EXTL3: variants seen among roughly 807,000 people sequenced by gnomAD.
EXTL3 encodes the protein exostosin-like 3.
EXTL3 carries 27 observed loss-of-function variants against 69.3 expected under a neutral mutation model. The ratio of observed to expected loss-of-function variants is 0.39; its 90% CI spans 0.29 to 0.54. EXTL3 has a LOEUF of 0.54. Among genes scored for constraint, EXTL3 ranks in the 20% least tolerant of loss-of-function variants. EXTL3 has a pLI of 0.69. For synonymous variants in EXTL3, 511 were observed against 499.4 expected (o/e 1.02, Z -0.31); for missense variants, 1,003 against 1,231.8 (o/e 0.81, Z 2.78).
Position 28,751,196 on chromosome 8 carries a change from A to G in EXTL3, c.*330A>G. On this transcript the variant is annotated 3_prime_UTR_variant, in exon 7 of 7. Transcript: ENST00000220562. ...GTGGTTTTTACATTCAATAACAACT[A>G]TTATGATTATTTAAAAAGAGAAAGT... 3.1e-6 allele frequency: 1 copy of G among 326,214 alleles called. No individual in the cohort carries two copies. The highest frequency in any genetic ancestry group is 5.8e-6 in the Non-Finnish European group (1 of 173,154). 20.2% of individuals were successfully genotyped at this position (326,214 alleles called of 1,614,324 possible).
At chr8:28,680,694 A>G (rs1807471166) in intron 1 of EXTL3, among the ~76,000 whole-genome samples, 1 of 152,106 alleles carries the variant, frequency 6.6e-6, no homozygotes, top group African/African-American at 2.4e-5. Context: ...GCAACTTGGT[A>G]CCCTTTGACT....
upstream of EXTL3, among the ~76,000 whole-genome samples, chr8:28,622,343 C>G (rs1278771560): frequency 2.0e-5 from 3 of 152,248 alleles, no homozygotes. Context: ...GCCGTATAGC[C>G]CTCCGCCGTG....
upstream of EXTL3, among the ~76,000 whole-genome samples, chr8:28,621,805 G>C (rs1563426892): frequency 6.6e-6 from 1 of 152,164 alleles, no homozygotes; most frequent in Non-Finnish European, 1.5e-5. Flanking sequence ...TCTGTTTGTG[G>C]ACACGCAGAT....
intron 3 of EXTL3, among the ~76,000 whole-genome samples, chr8:28,726,494 T>C (rs1449376507): frequency 6.6e-6 from 1 of 152,172 alleles, no homozygotes; most frequent in East Asian, 1.9e-4. Context: ...GAACTATAGT[T>C]AGTCTTCCAA....
At chr8:28,701,186 G>A (rs2130697492), upstream of EXTL3, 1 of 152,346 alleles carries the variant, frequency 6.6e-6, no homozygotes, top group Admixed American at 6.5e-5. Flanking sequence ...CGGTGGCTCG[G>A]GAGTCAGACC....
At chr8:28,742,784 A>T in intron 5 of EXTL3, 1 of 364,356 alleles carries the variant, frequency 2.7e-6, no homozygotes, top group Non-Finnish European at 5.2e-6. Context: ...CAATTGAACC[A>T]GCATCTGACC....
At chr8:28,695,264 G>A (rs1800669138) in intron 1 of EXTL3, among the ~76,000 whole-genome samples, 1 of 151,816 alleles carries the variant, frequency 6.6e-6, no homozygotes, top group Admixed American at 6.6e-5. Context: ...GAGTAGCTGG[G>A]ATTACAGGCA....
At chr8:28,651,264 A>T (rs1343387748) in intron 1 of EXTL3, among the ~76,000 whole-genome samples, 1 of 152,172 alleles carries the variant, frequency 6.6e-6, no homozygotes, top group Non-Finnish European at 1.5e-5. Flanking sequence ...CATCTAGCCC[A>T]CCATGCTGCT....
At chr8:28,709,736 T>G (rs1800995578) in intron 1 of EXTL3, among the ~76,000 whole-genome samples, 1 of 152,180 alleles carries the variant, frequency 6.6e-6, no homozygotes, top group African/African-American at 2.4e-5. Flanking sequence ...ATCAACAAAC[T>G]CTTGAAAGCA....
chr8:28,612,675 CAT>C (rs1806286807), intron 2 of EXTL3, among the ~76,000 whole-genome samples: 1 of 151,988 alleles, frequency 6.6e-6, no homozygotes, highest in African/African-American at 2.4e-5. Flanking sequence ...TTGCTGTGAT[CAT>C]ATGAGTTTCC....
In EXTL3 at chr8:28,623,040, C is replaced by G. The variant is rs555336443; in HGVS notation, c.-53+230C>G. 3.2e-4 allele frequency among the ~76,000 whole-genome samples: 49 copies of G among 152,188 alleles called. No homozygotes were observed. The highest frequency in any genetic ancestry group is 1.1e-3 in the African/African-American group (44 of 41,552). On this transcript the variant is annotated intron_variant, in intron 1 of 6. Coordinates refer to the EXTL3 transcript ENST00000523149. The surrounding 1 kb of genome is among the most constrained non-coding windows in gnomAD (Gnocchi z 4.2). ...GGCGTCTGGGGCGGGCGATTGCAAG[C>G]TCGCGGTCCATGTCCCCTGCCTCGG...
chr8:28,701,870 A>G (rs1800807586), intron 1 of EXTL3, among the ~76,000 whole-genome samples: 1 of 151,826 alleles, frequency 6.6e-6, no homozygotes, highest in Non-Finnish European at 1.5e-5. Context: ...GCCCGGGGAG[A>G]GGCCGCCAGG....
At chr8:28,710,648 T>G (rs1226795965) in intron 1 of EXTL3, 1 of 353,652 alleles carries the variant, frequency 2.8e-6, no homozygotes, top group Non-Finnish European at 5.4e-6. Flanking sequence ...GGTCTTGCTC[T>G]GTCACCCAGG....
intron 3 of EXTL3, among the ~76,000 whole-genome samples, chr8:28,727,707 A>G (rs895036380): frequency 3.3e-5 from 5 of 152,160 alleles, no homozygotes; most frequent in African/African-American, 1.2e-4. Context: ...TTTGAACCCA[A>G]GCTTTTCTGA....
At chr8:28,632,595 C>A (rs1311138713) in intron 1 of EXTL3, among the ~76,000 whole-genome samples, 3 of 147,794 alleles carry the variant, frequency 2.0e-5, no homozygotes, top group African/African-American at 7.5e-5. Context: ...GCTGTGTTGC[C>A]CAGGCTAGAG....
chr8:28,717,490 G>A lies in EXTL3; in HGVS notation c.1431G>A (p.Gln477=). ...QVQLPYQDML[Q]WNEAALVVPK... ...AGCTTCCCTACCAGGACATGCTGCAGTGGAACGAGGCGGCCCTGGTGGTGC... is the reference window on the plus strand; with the variant it reads ...AGCTTCCCTACCAGGACATGCTGCAATGGAACGAGGCGGCCCTGGTGGTGC... The change falls in exon 3 of 7, where the codon CAG becomes CAA. Residue 477 remains glutamine (Q), a synonymous_variant. Transcript: ENST00000220562. This position sits in a 1 kb window ranked among gnomAD's most constrained non-coding sequence, Gnocchi z 8.3. 3 of 1,614,268 alleles carry A rather than the reference G, an allele frequency of 1.9e-6. No homozygotes were observed. Among genetic ancestry groups the A allele is most frequent in the Non-Finnish European group, 1.7e-6 (2 of 1,180,044 alleles).
At chr8:28,695,129 ATTT>A (rs528077170) in intron 1 of EXTL3, among the ~76,000 whole-genome samples, 3 of 137,904 alleles carry the variant, frequency 2.2e-5, no homozygotes, top group African/African-American at 5.4e-5. Context: ...GTAAATGAGG[ATTT>A]TTTTTTTTTT....
At chr8:28,682,680 G>A (rs988454947) in intron 1 of EXTL3, among the ~76,000 whole-genome samples, 5 of 152,186 alleles carry the variant, frequency 3.3e-5, no homozygotes, top group African/African-American at 4.8e-5. Context: ...CTGACCTCAA[G>A]TGATGCCCCC....
At chr8:28,661,850 A>G (rs539468034) in intron 1 of EXTL3, among the ~76,000 whole-genome samples, 109 of 151,978 alleles carry the variant, frequency 7.2e-4, no homozygotes, top group African/African-American at 2.4e-3. Context: ...GCGCCACTGC[A>G]CTCCAGCCTG....
Sources: allele counts gnomAD v4.1 joint callset (sites outside exome capture counted in the v4.1 genomes callset), GRCh38; gene constraint gnomAD v4.1.1; non-coding constraint Gnocchi (gnomAD v3.1); transcripts MANE v1.5; gene names NCBI Gene and HGNC (gene_info 2026-07-23, HGNC 2026-07-21).